Variants in UNC13C observed in about 807,000 individuals in gnomAD.
UNC13C encodes the protein unc-13 homolog C.
Under a neutral mutation model 245.4 loss-of-function variants are expected in UNC13C, and 174 were observed. The ratio of observed to expected loss-of-function variants is 0.71; its 90% CI spans 0.63 to 0.80. The LOEUF (loss-of-function observed/expected upper bound fraction) is 0.80, where lower values mean the gene tolerates loss of function less well. UNC13C is among the 30% of genes least tolerant of loss of function. The pLI is 0.00. For synonymous variants in UNC13C, 992 were observed against 895.1 expected (o/e 1.11, Z -1.93); for missense variants, 2,829 against 2,602.9 (o/e 1.09, Z -1.89).
At chr15:54,527,524 T>C (rs1475613014) in intron 25 of UNC13C, among the ~76,000 whole-genome samples, 1 of 152,200 alleles carries the variant, frequency 6.6e-6, no homozygotes, top group East Asian at 1.9e-4. Context: ...ATCATTCTGA[T>C]GATAAGTGCT....
At chr15:54,058,737 G>A (rs1025177802) in intron 2 of UNC13C, among the ~76,000 whole-genome samples, 2 of 152,168 alleles carry the variant, frequency 1.3e-5, no homozygotes, top group African/African-American at 4.8e-5. Context: ...ACAGAATCCA[G>A]CAGCACATCA....
chr15:54,396,494 C>T (rs752525396), intron 18 of UNC13C, among the ~76,000 whole-genome samples: 3 of 151,472 alleles, frequency 2.0e-5, no homozygotes, highest in East Asian at 1.9e-4. Flanking sequence ...TTCCATTGTA[C>T]GTATATACCA....
chr15:54,011,398 C>G (rs537071712), intron 1 of UNC13C, among the ~76,000 whole-genome samples: 6 of 152,142 alleles, frequency 3.9e-5, no homozygotes, highest in African/African-American at 1.4e-4. Context: ...ACAAAAAGAA[C>G]CATCTGTTTC....
At chr15:54,127,875 C>T (rs943051759) in intron 2 of UNC13C, among the ~76,000 whole-genome samples, 1 of 150,886 alleles carries the variant, frequency 6.6e-6, no homozygotes, top group Non-Finnish European at 1.5e-5. Flanking sequence ...CAAGAATACT[C>T]ACTCTCATCA....
At chr15:54,016,929 A>T (rs1895686485) in intron 2 of UNC13C, among the ~76,000 whole-genome samples, 1 of 152,194 alleles carries the variant, frequency 6.6e-6, no homozygotes, top group Non-Finnish European at 1.5e-5. Flanking sequence ...GCTATTATCA[A>T]ATAACATAAT....
rs57905597 is a variant in UNC13C, at chr15:54,113,791, A to G, written c.2984-29227A>G. On this transcript the variant is annotated intron_variant, in intron 2 of 32. Coordinates refer to ENST00000260323, the MANE Select transcript of UNC13C (RefSeq NM_001080534.3). ...CAGTGAGCCGAGATCGCACCACTGC[A>G]CTCCAGCCTGGGCAACAGAGTGAGA... Among the ~76,000 whole-genome samples the G allele has an allele frequency of 2.5e-4, 38 of 152,278 alleles. 1 individual carries two copies. The East Asian group carries it at 5.6e-3, about 22-fold the overall frequency.
intron 10 of UNC13C, among the ~76,000 whole-genome samples, chr15:54,288,654 G>A (rs971314141): frequency 1.3e-5 from 2 of 151,894 alleles, no homozygotes; most frequent in Non-Finnish European, 2.9e-5. Context: ...GGAGAGGAGT[G>A]GTTTGAAAGG....
chr15:54,247,007 G>T (rs74013534), intron 7 of UNC13C, among the ~76,000 whole-genome samples: 3,852 of 152,212 alleles, frequency 0.025, 159 homozygotes, highest in African/African-American at 0.088. Flanking sequence ...ATTAGGTTTT[G>T]CTTGTTCTAG....
chr15:54,472,847 T>C (rs972852227), intron 19 of UNC13C, among the ~76,000 whole-genome samples: 31 of 151,926 alleles, frequency 2.0e-4, no homozygotes, highest in African/African-American at 6.8e-4. Context: ...CTTGTTTCCT[T>C]TTTTAAAAAT....
chr15:54,257,389 T>G (rs1464212206), intron 8 of UNC13C, among the ~76,000 whole-genome samples: 2 of 152,242 alleles, frequency 1.3e-5, no homozygotes, highest in African/African-American at 4.8e-5. Context: ...CATACTGTTA[T>G]GCGAGCACAT....
In UNC13C at chr15:54,392,050, T is replaced by C. The variant is rs113209504; in HGVS notation, c.4714-998T>C. Reference sequence around the variant, plus strand: ...GTCTTTGAGTTTCTGGAGCCATAAGTTGATGTTTTCAAATATCCTGCACCT... The same window carrying C: ...GTCTTTGAGTTTCTGGAGCCATAAGCTGATGTTTTCAAATATCCTGCACCT... On this transcript the variant is annotated intron_variant, in intron 17 of 32. Transcript: ENST00000260323. Among the ~76,000 whole-genome samples, 784 of 152,174 alleles carry C rather than the reference T, an allele frequency of 5.2e-3. 2 individuals carry two copies. The highest frequency in any genetic ancestry group is 0.018 in the African/African-American group (747 of 41,566).
intron 4 of UNC13C, among the ~76,000 whole-genome samples, chr15:54,182,266 C>CT (rs970449852): frequency 6.6e-6 from 1 of 151,826 alleles, no homozygotes; most frequent in African/African-American, 2.4e-5. Context: ...TTATTGAGAG[C>CT]TTTTTTCTGC....
intron 2 of UNC13C, among the ~76,000 whole-genome samples, chr15:54,095,726 G>A (rs985200143): frequency 2.6e-5 from 4 of 152,158 alleles, no homozygotes; most frequent in Non-Finnish European, 1.5e-5. Context: ...GAAATAAGAA[G>A]TAACCCATTT....
chr15:54,491,044 T>C (rs1038688023), intron 19 of UNC13C, among the ~76,000 whole-genome samples: 24 of 152,230 alleles, frequency 1.6e-4, no homozygotes, highest in Non-Finnish European at 3.5e-4. Flanking sequence ...TCACCCTTTC[T>C]TCCTAAGCTC....
chr15:54,102,291 G>A (rs1214277060), intron 2 of UNC13C, among the ~76,000 whole-genome samples: 1 of 152,032 alleles, frequency 6.6e-6, no homozygotes. Flanking sequence ...ACACAGTCTA[G>A]CCTGAGAATG....
At chr15:54,566,015 TG>T (rs1208359377) in intron 29 of UNC13C, among the ~76,000 whole-genome samples, 1 of 152,002 alleles carries the variant, frequency 6.6e-6, no homozygotes, top group Non-Finnish European at 1.5e-5. Context: ...TTTATAAGAC[TG>T]GGGCTTACCT....
chr15:53,887,497 T>G, the UNC13C span, among the ~76,000 whole-genome samples: 1 of 152,188 alleles, frequency 6.6e-6, no homozygotes. Flanking sequence ...TGATTTTTGC[T>G]TTTTAATAAG....
At chr15:54,479,158 T>G (rs1377379305) in intron 19 of UNC13C, among the ~76,000 whole-genome samples, 1 of 152,116 alleles carries the variant, frequency 6.6e-6, no homozygotes. Context: ...CTGCAGTGCT[T>G]CAATAATCAC....
At chr15:54,128,914 C>A (rs1395351863) in intron 2 of UNC13C, among the ~76,000 whole-genome samples, 2 of 152,130 alleles carry the variant, frequency 1.3e-5, no homozygotes, top group Non-Finnish European at 2.9e-5. Flanking sequence ...CTCAACTAGG[C>A]CTCTCAACTG....
Sources: allele counts gnomAD v4.1 joint callset (sites outside exome capture counted in the v4.1 genomes callset), GRCh38; gene constraint gnomAD v4.1.1; transcripts MANE v1.5; gene names NCBI Gene and HGNC (gene_info 2026-07-23, HGNC 2026-07-21).